CLSTN2: variants seen among roughly 807,000 people sequenced by gnomAD.
CLSTN2 encodes calsyntenin-2.
Under a neutral mutation model 101.2 loss-of-function variants are expected in CLSTN2, and 48 were observed. That is an observed-to-expected ratio of 0.47 (90% CI 0.38 to 0.60). The LOEUF (loss-of-function observed/expected upper bound fraction) is 0.60. Among genes scored for constraint, CLSTN2 ranks in the 20% least tolerant of loss-of-function variants. CLSTN2 has a pLI of 0.00. For synonymous variants in CLSTN2, 481 were observed against 463.6 expected (o/e 1.04, Z -0.48); for missense variants, 1,160 against 1,238.2 (o/e 0.94, Z 0.95).
chr3:140,106,520 G>A (rs995872341), intron 1 of CLSTN2, among the ~76,000 whole-genome samples: 11 of 152,258 alleles, frequency 7.2e-5, no homozygotes, highest in African/African-American at 2.4e-4. Context: ...TCTTCTCTCT[G>A]CCCCTGTGGG....
At chr3:140,175,783 T>A (rs1216307604) in intron 1 of CLSTN2, among the ~76,000 whole-genome samples, 168 bp from the exon 2 acceptor site, 1 of 152,206 alleles carries the variant, frequency 6.6e-6, no homozygotes, top group East Asian at 1.9e-4. Flanking sequence ...TTCCCGCACT[T>A]CTCTGAAGCT....
chr3:140,452,695 C>T (rs917101428), intron 6 of CLSTN2: 4 of 152,178 alleles, frequency 2.6e-5, no homozygotes, highest in Non-Finnish European at 5.9e-5. Flanking sequence ...CTTGAAATGA[C>T]TCTTTGGGCC....
At chr3:140,388,468 G>A (rs991251105) in intron 2 of CLSTN2, among the ~76,000 whole-genome samples, 1 of 152,194 alleles carries the variant, frequency 6.6e-6, no homozygotes, top group South Asian at 2.1e-4. Flanking sequence ...AGCCTGTAGA[G>A]GGTAACGTGT....
At chr3:140,460,680 CTT>C (rs1489572058) in intron 7 of CLSTN2, among the ~76,000 whole-genome samples, 1 of 152,172 alleles carries the variant, frequency 6.6e-6, no homozygotes, top group Admixed American at 6.5e-5. Context: ...AACCTATGCT[CTT>C]GTCACTACAC....
chr3:140,305,490 A>T (rs1416181133), intron 2 of CLSTN2, among the ~76,000 whole-genome samples: 1 of 152,174 alleles, frequency 6.6e-6, no homozygotes, highest in Non-Finnish European at 1.5e-5. Context: ...ACATCACCTC[A>T]GCAAGGTCAG....
intron 2 of CLSTN2, among the ~76,000 whole-genome samples, chr3:140,296,491 G>A (rs2087005591): frequency 6.6e-6 from 1 of 152,144 alleles, no homozygotes; most frequent in Admixed American, 6.5e-5. Flanking sequence ...TTACTAGTAA[G>A]GCAGAGCAAC....
intron 2 of CLSTN2, among the ~76,000 whole-genome samples, chr3:140,182,985 G>A (rs1461445688): frequency 6.6e-6 from 1 of 152,158 alleles, no homozygotes; most frequent in African/African-American, 2.4e-5. Context: ...AGAGTACAGA[G>A]GAAGGATGAC....
intron 1 of CLSTN2, among the ~76,000 whole-genome samples, chr3:140,168,243 A>G (rs58840683): frequency 2.6e-5 from 4 of 152,244 alleles, no homozygotes; most frequent in African/African-American, 9.6e-5. Flanking sequence ...GTGATATCCC[A>G]TTGTGGCTTC....
At chr3:140,097,708 C>G (rs1013229428) in intron 1 of CLSTN2, among the ~76,000 whole-genome samples, 1 of 152,148 alleles carries the variant, frequency 6.6e-6, no homozygotes, top group Non-Finnish European at 1.5e-5. Flanking sequence ...AGTTACTAGG[C>G]TGGAAGGTGC....
intron 2 of CLSTN2, among the ~76,000 whole-genome samples, chr3:140,277,618 CCAA>C (rs2086806545): frequency 6.6e-6 from 1 of 152,074 alleles, no homozygotes; most frequent in Non-Finnish European, 1.5e-5. Context: ...TTGAATTATA[CCAA>C]CGATTAATTT....
chr3:140,550,574 T>G (rs1576622978), intron 10 of CLSTN2, among the ~76,000 whole-genome samples: 1 of 152,120 alleles, frequency 6.6e-6, no homozygotes, highest in Non-Finnish European at 1.5e-5. Context: ...TCTTTGCATC[T>G]GCGTAGATCT....
chr3:140,393,334 AG>A (rs2107972015), intron 2 of CLSTN2, among the ~76,000 whole-genome samples: 1 of 152,306 alleles, frequency 6.6e-6, no homozygotes, highest in African/African-American at 2.4e-5. Context: ...GTGAATATTA[AG>A]TCTTCCTCTG....
At chr3:140,408,889 T>G (rs2088333726) in intron 4 of CLSTN2, among the ~76,000 whole-genome samples, 1 of 152,240 alleles carries the variant, frequency 6.6e-6, no homozygotes, top group Non-Finnish European at 1.5e-5. Flanking sequence ...TGAAAATGTG[T>G]CTGTATCTGG....
intron 1 of CLSTN2, among the ~76,000 whole-genome samples, chr3:139,966,719 A>G (rs1186260874): frequency 2.6e-5 from 4 of 152,174 alleles, no homozygotes; most frequent in Admixed American, 2.0e-4. Context: ...GTTGAAGTAA[A>G]CTGTTGCAAT....
At chr3:139,988,331 A>G (rs1353061840) in intron 1 of CLSTN2, among the ~76,000 whole-genome samples, 1 of 139,794 alleles carries the variant, frequency 7.2e-6, no homozygotes, top group East Asian at 2.0e-4. Context: ...ATTCACAAAG[A>G]TAGGCAAACT....
At chr3:140,219,579 C>G (rs1169573397) in intron 2 of CLSTN2, among the ~76,000 whole-genome samples, 1 of 152,126 alleles carries the variant, frequency 6.6e-6, no homozygotes, top group Non-Finnish European at 1.5e-5. Context: ...GCGAGTGTAT[C>G]TTGCTGTCCT....
intron 1 of CLSTN2, among the ~76,000 whole-genome samples, chr3:140,096,196 C>T (rs558661786): frequency 6.6e-6 from 1 of 152,172 alleles, no homozygotes; most frequent in South Asian, 2.1e-4. Flanking sequence ...CTTCAGTGTC[C>T]AGTGGTTTCA....
intron 1 of CLSTN2, among the ~76,000 whole-genome samples, chr3:140,059,837 T>C (rs1189950342): frequency 6.6e-6 from 1 of 152,156 alleles, no homozygotes; most frequent in East Asian, 1.9e-4. Flanking sequence ...AGGGAAAATA[T>C]TTTAAATAAT....
Position 139,998,336 on chromosome 3 carries a change from C to CTTTTTTTTTTTTTTTTT in CLSTN2, c.109+62857_109+62873dup, listed in dbSNP as rs60541490. On this transcript the variant is annotated intron_variant, in intron 1 of 16. Coordinates refer to ENST00000458420, the MANE Select transcript of CLSTN2 (RefSeq NM_022131.3). ...ATGGGATAATAGTTCCCCCACATGC[C>CTTTTTTTTTTTTTTTTT]TTTTTTTTTTTTTTTTTTTTGTGAC... is the stretch of plus-strand genomic sequence containing the variant. Among the ~76,000 whole-genome samples, 566 of 66,806 alleles carry CTTTTTTTTTTTTTTTTT rather than the reference C, an allele frequency of 8.5e-3. 110 individuals are homozygous for CTTTTTTTTTTTTTTTTT. The highest frequency in any genetic ancestry group is 0.047 in the East Asian group (72 of 1,540). 43.8% of individuals were successfully genotyped at this position (66,806 alleles called of 152,430 possible).
Sources: gnomAD v4.1 joint callset for allele counts (sites outside exome capture counted in the v4.1 genomes callset) on GRCh38, gnomAD v4.1.1 for gene constraint, MANE v1.5 for transcripts, NCBI Gene and HGNC (gene_info 2026-07-23, HGNC 2026-07-21) for gene names.